ADGRB3: variants seen among roughly 807,000 people sequenced by gnomAD.
ADGRB3 encodes adhesion G protein-coupled receptor B3.
Under a neutral mutation model 193.4 loss-of-function variants are expected in ADGRB3, and 37 were observed. The ratio of observed to expected loss-of-function variants is 0.19; its 90% CI spans 0.15 to 0.25. The LOEUF is 0.25. Ranked by LOEUF, ADGRB3 falls within the 10% of genes least tolerant of loss-of-function variation. ADGRB3 has a pLI of 1.00. For synonymous variants in ADGRB3, 690 were observed against 644.2 expected (o/e 1.07, Z -1.08); for missense variants, 1,637 against 1,852.9 (o/e 0.88, Z 2.14).
At chr6:69,002,332 C>T (rs983180258) in intron 11 of ADGRB3, among the ~76,000 whole-genome samples, 1 of 151,716 alleles carries the variant, frequency 6.6e-6, no homozygotes, top group African/African-American at 2.4e-5. Flanking sequence ...GATTCTCCTG[C>T]CTCAGCCTTT....
intron 13 of ADGRB3, among the ~76,000 whole-genome samples, chr6:69,032,447 TAAATATAA>T (rs1770741434): frequency 6.6e-6 from 1 of 152,256 alleles, no homozygotes; most frequent in Admixed American, 6.5e-5. Context: ...TGAGTTTGTG[TAAATATAA>T]AAAACAATCC....
chr6:68,675,447 C>CA (rs1361857061), intron 3 of ADGRB3, among the ~76,000 whole-genome samples: 15 of 151,234 alleles, frequency 9.9e-5, no homozygotes, highest in African/African-American at 2.7e-4. Context: ...ACTTAAAATT[C>CA]AAAAAAATGG....
chr6:69,261,442 C>T (rs1230970218), intron 20 of ADGRB3, among the ~76,000 whole-genome samples: 2 of 151,930 alleles, frequency 1.3e-5, no homozygotes, highest in Non-Finnish European at 2.9e-5. Flanking sequence ...GATACAGGGG[C>T]CACTGAATGT....
chr6:69,125,315 G>C (rs560297272), intron 17 of ADGRB3, among the ~76,000 whole-genome samples: 1 of 152,216 alleles, frequency 6.6e-6, no homozygotes, highest in South Asian at 2.1e-4. Context: ...GATTTCTCGG[G>C]CTTTAACTCA....
At chr6:68,954,245 A>T (rs1434094503) in intron 6 of ADGRB3, among the ~76,000 whole-genome samples, 1 of 152,142 alleles carries the variant, frequency 6.6e-6, no homozygotes, top group Non-Finnish European at 1.5e-5. Context: ...ATTCATTTGC[A>T]TGCAGAATGT....
At chr6:68,928,224 C>A (rs1391247721) in intron 3 of ADGRB3, among the ~76,000 whole-genome samples, 2 of 152,060 alleles carry the variant, frequency 1.3e-5, no homozygotes, top group Non-Finnish European at 2.9e-5. Context: ...TTGAATGTGA[C>A]ACTTTTAAAA....
At chr6:69,089,449 G>C (rs1046972238) in intron 17 of ADGRB3, among the ~76,000 whole-genome samples, 1 of 152,048 alleles carries the variant, frequency 6.6e-6, no homozygotes, top group African/African-American at 2.4e-5. Flanking sequence ...TTTTTTCTGA[G>C]CTAATCTTTC....
intron 17 of ADGRB3, among the ~76,000 whole-genome samples, chr6:69,196,980 A>G (rs1765311693): frequency 6.6e-6 from 1 of 152,110 alleles, no homozygotes; most frequent in Non-Finnish European, 1.5e-5. Flanking sequence ...CATCTTCAAA[A>G]TGGAGATAAT....
intron 17 of ADGRB3, among the ~76,000 whole-genome samples, chr6:69,115,995 G>C (rs1033577101): frequency 2.0e-5 from 3 of 152,230 alleles, no homozygotes; most frequent in Admixed American, 2.0e-4. Flanking sequence ...GTCTGAATTT[G>C]TAGAGTAGGC....
chr6:68,787,342 G>T (rs951409412), intron 3 of ADGRB3, among the ~76,000 whole-genome samples: 5 of 152,164 alleles, frequency 3.3e-5, no homozygotes, highest in Middle Eastern at 3.4e-3. Context: ...ATACCTAATT[G>T]ATTGAGGGTT....
At chr6:69,250,744 C>A (rs1047866912) in intron 20 of ADGRB3, among the ~76,000 whole-genome samples, 1 of 152,204 alleles carries the variant, frequency 6.6e-6, no homozygotes, top group Non-Finnish European at 1.5e-5. Flanking sequence ...TTAAGCTCAA[C>A]CACTTCCTGG....
chr6:69,116,048 G>C (rs1773522881), intron 17 of ADGRB3, among the ~76,000 whole-genome samples: 1 of 152,138 alleles, frequency 6.6e-6, no homozygotes, highest in Non-Finnish European at 1.5e-5. Context: ...TTGCAGTCTT[G>C]AGTTCAAAAT....
At chr6:68,949,896 C>T (rs1200317393) in intron 6 of ADGRB3, among the ~76,000 whole-genome samples, 4 of 151,914 alleles carry the variant, frequency 2.6e-5, no homozygotes, top group Admixed American at 6.6e-5. Context: ...AACTTATCAA[C>T]TTTTTTATCC....
intron 8 of ADGRB3, among the ~76,000 whole-genome samples, chr6:68,968,444 A>C (rs1447712996): frequency 2.6e-5 from 4 of 152,232 alleles, no homozygotes; most frequent in Non-Finnish European, 1.5e-5. Context: ...GAATCAGGAA[A>C]TCTAGTATTC....
intron 18 of ADGRB3, among the ~76,000 whole-genome samples, chr6:69,234,764 C>T (rs779462): frequency 0.073 from 11,104 of 151,994 alleles, 563 homozygotes; most frequent in Non-Finnish European, 0.11. Flanking sequence ...TCTTGATTTT[C>T]GAAAGTTATA....
At position 68,702,773 on chromosome 6, in the gene ADGRB3, G is replaced by A. The variant is rs148900766; in HGVS notation, c.757+63341G>A. On this transcript the variant is annotated intron_variant, in intron 3 of 31. Transcript: ENST00000370598. ...TAAAATAATCAATAAAAATCTTACG[G>A]TAATATTTTGGTCTTTTGGAACCAC... 2.0e-4 allele frequency among the ~76,000 whole-genome samples: 31 copies of A among 152,218 alleles called. No homozygotes were observed. In the East Asian group the frequency reaches 2.9e-3, roughly 14 times the overall value.
rs532115114 is a variant in ADGRB3 at position 69,355,088 on chromosome 6, T to C, written c.3556-733T>C. Among the ~76,000 whole-genome samples, 48 of 152,264 alleles carry C rather than the reference T, an allele frequency of 3.2e-4. 2 individuals carry two copies. In the South Asian group the frequency reaches 9.7e-3, roughly 31 times the overall value. On this transcript the variant is annotated intron_variant, in intron 27 of 31. Coordinates refer to ENST00000370598, the MANE Select transcript of ADGRB3 (RefSeq NM_001704.3). ...TTACAAAGAATAATCAACTCCTTAC[T>C]AAAAACAAATAGATAGCCAAAATCT...
intron 3 of ADGRB3, among the ~76,000 whole-genome samples, chr6:68,897,050 C>G (rs184383783): frequency 6.0e-4 from 92 of 152,206 alleles, no homozygotes; most frequent in African/African-American, 2.1e-3. Flanking sequence ...CTAAGGCACA[C>G]TTAGGGATAA....
rs542397738 is a variant in ADGRB3, at chr6:69,130,937, A to G, written c.2480+54899A>G. Among the ~76,000 whole-genome samples, 108 of 152,224 alleles carry G rather than the reference A, an allele frequency of 7.1e-4. 1 individual carries two copies. The South Asian group carries it at 0.021, about 29-fold the overall frequency. On this transcript the variant is annotated intron_variant, in intron 17 of 31. Coordinates refer to ENST00000370598, the MANE Select transcript of ADGRB3 (RefSeq NM_001704.3). ...TTTTTATTTGATGTTCGCTATTCAA[A>G]TGATGAAAGACATAGGGGTTTTTGC... is the stretch of plus-strand genomic sequence containing the variant.
Sources: allele counts gnomAD v4.1 joint callset (sites outside exome capture counted in the v4.1 genomes callset), GRCh38; gene constraint gnomAD v4.1.1; transcripts MANE v1.5; gene names NCBI Gene and HGNC (gene_info 2026-07-23, HGNC 2026-07-21).